ARHGAP6: variants seen among roughly 807,000 people sequenced by gnomAD.
ARHGAP6 encodes the protein rho GTPase-activating protein 6.
ARHGAP6 carries 16 observed loss-of-function variants against 55.7 expected under a neutral mutation model. The observed-to-expected ratio is 0.29, with a 90% CI of 0.19 to 0.44. The LOEUF (loss-of-function observed/expected upper bound fraction) is 0.44. ARHGAP6 is among the 20% of genes least tolerant of loss of function. The pLI is 1.00. For synonymous variants in ARHGAP6, 382 were observed against 360.9 expected (o/e 1.06, Z -0.66); for missense variants, 698 against 808.9 (o/e 0.86, Z 1.66).
intron 1 of ARHGAP6, among the ~76,000 whole-genome samples, chrX:11,361,624 C>G (rs1306738790): frequency 1.8e-5 from 2 of 109,926 alleles, no homozygotes; most frequent in Admixed American, 1.9e-4. Flanking sequence ...ACACCAAAAG[C>G]AATGGCAACA....
At chrX:11,238,857 C>T (rs956820374) in intron 2 of ARHGAP6, among the ~76,000 whole-genome samples, 2 of 112,003 alleles carry the variant, frequency 1.8e-5, no homozygotes, top group African/African-American at 3.2e-5. Flanking sequence ...GCTGCAACTT[C>T]ACAGGAGCCC....
chrX:11,158,796 T>C (rs1378844601), intron 9 of ARHGAP6, among the ~76,000 whole-genome samples: 1 of 112,122 alleles, frequency 8.9e-6, no homozygotes, highest in Non-Finnish European at 1.9e-5. Flanking sequence ...TGCATAAATG[T>C]TGAGTGAATG....
chrX:11,175,788 A>G (rs1168957676), intron 8 of ARHGAP6, among the ~76,000 whole-genome samples: 2 of 110,695 alleles, frequency 1.8e-5, no homozygotes, highest in Admixed American at 9.6e-5. Flanking sequence ...GGACGGCCCC[A>G]TGACAAAGAA....
intron 8 of ARHGAP6, 95 bp from the exon 9 acceptor site, chrX:11,169,779 T>A: frequency 1.4e-6 from 1 of 715,288 alleles, no homozygotes; most frequent in Non-Finnish European, 2.0e-6. Flanking sequence ...TCTCCTTTTT[T>A]TTTTTTAATC....
chrX:11,556,762 G>A, intron 1 of ARHGAP6, among the ~76,000 whole-genome samples: 1 of 111,837 alleles, frequency 8.9e-6, no homozygotes, highest in Non-Finnish European at 1.9e-5. Flanking sequence ...TTTAAAAGTA[G>A]AAATCACCCT....
intron 12 of ARHGAP6, among the ~76,000 whole-genome samples, chrX:11,139,968 T>C (rs977540674): frequency 1.8e-5 from 2 of 111,589 alleles, no homozygotes; most frequent in Admixed American, 1.9e-4. Context: ...ATGAAGTTAC[T>C]TGAATCTCAA....
chrX:11,323,353 C>T (rs2048456715), intron 1 of ARHGAP6, among the ~76,000 whole-genome samples: 1 of 112,134 alleles, frequency 8.9e-6, no homozygotes, highest in African/African-American at 3.2e-5. Flanking sequence ...CCTGCCTTAA[C>T]AAGATCTAGT....
intron 1 of ARHGAP6, among the ~76,000 whole-genome samples, chrX:11,457,188 A>T (rs903790962): frequency 2.1e-4 from 23 of 111,929 alleles, no homozygotes; most frequent in Non-Finnish European, 1.9e-4. Flanking sequence ...ATGCTGTTAG[A>T]AGACATGAGA....
chrX:11,420,555 A>G (rs951428701), intron 1 of ARHGAP6, among the ~76,000 whole-genome samples: 1 of 111,247 alleles, frequency 9.0e-6, no homozygotes, highest in Admixed American at 9.6e-5. Flanking sequence ...CAATGGGAGA[A>G]CAGGTAGGCC....
intron 1 of ARHGAP6, among the ~76,000 whole-genome samples, chrX:11,370,254 C>A (rs1453984585): frequency 1.8e-5 from 2 of 112,579 alleles, no homozygotes; most frequent in African/African-American, 6.4e-5. Flanking sequence ...TCCAAGTATT[C>A]CAGTTTCACT....
chrX:11,319,030 C>T (rs889192468), intron 1 of ARHGAP6, among the ~76,000 whole-genome samples: 1 of 112,037 alleles, frequency 8.9e-6, no homozygotes, highest in African/African-American at 3.2e-5. Flanking sequence ...ATGATAGACC[C>T]ATTGCCTAGA....
At chrX:11,515,321 C>T (rs1267835169) in intron 1 of ARHGAP6, among the ~76,000 whole-genome samples, 2 of 112,382 alleles carry the variant, frequency 1.8e-5, no homozygotes, top group Non-Finnish European at 3.8e-5. Context: ...CATTCCTAAA[C>T]ATTTTCCTAA....
chrX:11,140,245 C>T (rs1434494188), intron 12 of ARHGAP6, among the ~76,000 whole-genome samples: 10 of 107,440 alleles, frequency 9.3e-5, no homozygotes, highest in East Asian at 5.8e-4. Flanking sequence ...AGTGAAACCC[C>T]GTCTCCACTA....
Position 11,500,682 on chromosome X carries a change from AAAG to A in ARHGAP6, c.588+163556_588+163558del, listed in dbSNP as rs1437100739. ...CTCTGTCAAAAAAAAAAAAAAAAAA[AAAG>A]AAGAAGCAAAGAGAAACCTTTTTTT... On this transcript the variant is annotated intron_variant, in intron 1 of 12. Transcript: ENST00000337414. 2.8e-3 allele frequency among the ~76,000 whole-genome samples: 292 copies of A among 105,612 alleles called. 2 individuals are homozygous for A. Among genetic ancestry groups the A allele is most frequent in the African/African-American group, 5.3e-3 (148 of 28,067 alleles). 91.7% of individuals were successfully genotyped at this position (105,612 alleles called of 115,157 possible).
chrX:11,199,345 C>T (rs981806642), intron 2 of ARHGAP6, among the ~76,000 whole-genome samples: 4 of 111,881 alleles, frequency 3.6e-5, no homozygotes, highest in Non-Finnish European at 3.8e-5. Flanking sequence ...ATCAGTATCG[C>T]CTGGGAACCT....
chrX:11,570,601 A>G (rs1395583119), intron 1 of ARHGAP6, among the ~76,000 whole-genome samples: 4 of 110,775 alleles, frequency 3.6e-5, no homozygotes, highest in Non-Finnish European at 7.5e-5. Flanking sequence ...TGGTACAGAA[A>G]CTGAGGCATG....
chrX:11,373,743 G>A (rs931126590), intron 1 of ARHGAP6, among the ~76,000 whole-genome samples: 1 of 111,918 alleles, frequency 8.9e-6, no homozygotes, highest in Admixed American at 9.5e-5. Flanking sequence ...GGTGGAGTTA[G>A]TGGGTAAATT....
At chrX:11,409,292 G>A (rs975497042) in intron 1 of ARHGAP6, among the ~76,000 whole-genome samples, 6 of 112,004 alleles carry the variant, frequency 5.4e-5, no homozygotes, top group African/African-American at 9.7e-5. Flanking sequence ...CCACCGACAC[G>A]TAGATCCACA....
intron 1 of ARHGAP6, among the ~76,000 whole-genome samples, chrX:11,498,628 C>T (rs773175986): frequency 2.1e-4 from 23 of 111,639 alleles, no homozygotes; most frequent in African/African-American, 5.9e-4. Context: ...CTCATTTCAG[C>T]CTCCTGAACT....
Sources: gnomAD v4.1 joint callset for allele counts (sites outside exome capture counted in the v4.1 genomes callset) on GRCh38, gnomAD v4.1.1 for gene constraint, MANE v1.5 for transcripts, NCBI Gene and HGNC (gene_info 2026-07-23, HGNC 2026-07-21) for gene names.